The following PHF24 variants were observed in gnomAD, a reference collection of about 807,000 sequenced individuals.
PHF24 encodes the protein PHD finger protein 24, also known as Galpha inhibitory interacting protein.
In PHF24, 25 loss-of-function variants were observed where a neutral mutation model predicts 42.6. The ratio of observed to expected loss-of-function variants is 0.59; its 90% confidence interval spans 0.43 to 0.82. PHF24 has a LOEUF of 0.82. Ranked by LOEUF, PHF24 falls within the 40% of genes least tolerant of loss-of-function variation. PHF24 has a pLI of 0.00. For missense variants in PHF24, 470 were observed against 538.1 expected (o/e 0.87, Z 1.25); for synonymous variants, 185 against 204.8 (o/e 0.90, Z 0.83).
chr9:34,703,166 G>A, the PHF24 span, among the ~76,000 whole-genome samples: 7 of 152,002 alleles, frequency 4.6e-5, no homozygotes, highest in African/African-American at 1.7e-4. Flanking sequence ...CATTCTGGTA[G>A]CCCCATAATT....
At chr9:34,691,054 C>A in the PHF24 span, 5 of 1,562,982 alleles carry the variant, frequency 3.2e-6, no homozygotes, top group Non-Finnish European at 4.3e-6. Flanking sequence ...TGCCAGCCCC[C>A]CACTGCCTCT....
intron 1 of PHF24, among the ~76,000 whole-genome samples, chr9:34,966,430 T>G (rs894777181): frequency 2.6e-5 from 4 of 152,170 alleles, no homozygotes; most frequent in Non-Finnish European, 5.9e-5. Context: ...TTTAAAAATT[T>G]TTCAAAAATT....
At chr9:34,710,777 G>GTTTTCAT in the PHF24 span, among the ~76,000 whole-genome samples, 4 of 152,066 alleles carry the variant, frequency 2.6e-5, no homozygotes, top group South Asian at 8.3e-4. Context: ...TCCGGCTACT[G>GTTTTCAT]TTTTCATTTT....
the PHF24 span, among the ~76,000 whole-genome samples, chr9:34,805,858 C>G: frequency 6.6e-6 from 1 of 152,096 alleles, no homozygotes; most frequent in East Asian, 1.9e-4. Context: ...TTGTTCAAGT[C>G]TTAGATCCAA....
At chr9:34,943,207 G>A in the PHF24 span, among the ~76,000 whole-genome samples, 1 of 152,102 alleles carries the variant, frequency 6.6e-6, no homozygotes, top group Admixed American at 6.5e-5. Context: ...TTGTTTGTTT[G>A]TTTCTCTGAG....
chr9:34,936,881 C>T, the PHF24 span, among the ~76,000 whole-genome samples: 14 of 151,778 alleles, frequency 9.2e-5, no homozygotes. Flanking sequence ...GGCAGCCGCC[C>T]CGTCTGAGAA....
the PHF24 span, among the ~76,000 whole-genome samples, chr9:34,921,562 G>A: frequency 6.6e-6 from 1 of 152,136 alleles, no homozygotes; most frequent in East Asian, 1.9e-4. Context: ...AAAGCTAACA[G>A]CAGGTAACTT....
the PHF24 span, among the ~76,000 whole-genome samples, chr9:34,925,861 G>T: frequency 6.6e-6 from 1 of 152,148 alleles, no homozygotes; most frequent in Non-Finnish European, 1.5e-5. Context: ...GCTTTGTCAT[G>T]ATTGTGTGTT....
the PHF24 span, among the ~76,000 whole-genome samples, chr9:34,786,028 G>T: frequency 6.6e-6 from 1 of 152,160 alleles, no homozygotes; most frequent in Admixed American, 6.5e-5. Context: ...GGATTCCCAT[G>T]CCTATTTTCT....
the PHF24 span, chr9:34,835,135 C>T: frequency 6.5e-7 from 1 of 1,544,086 alleles, no homozygotes; most frequent in South Asian, 1.2e-5. Context: ...TTGGAGTTTG[C>T]TGACAGTGGT....
At chr9:34,738,506 A>T in the PHF24 span, among the ~76,000 whole-genome samples, 2 of 152,056 alleles carry the variant, frequency 1.3e-5, no homozygotes, top group Non-Finnish European at 2.9e-5. Context: ...ACCTGCCACC[A>T]TGCCCGGCTA....
the PHF24 span, among the ~76,000 whole-genome samples, chr9:34,908,837 C>CT: frequency 3.6e-5 from 5 of 139,850 alleles, no homozygotes; most frequent in African/African-American, 1.3e-4. Context: ...CTTTTCTTTT[C>CT]TTTTCTTTTT....
At chr9:34,952,920 T>C (rs941453289), upstream of PHF24, among the ~76,000 whole-genome samples, 9 of 152,232 alleles carry the variant, frequency 5.9e-5, no homozygotes, top group Admixed American at 3.3e-4. Flanking sequence ...GACATCCATA[T>C]ACAAAATCAG....
At chr9:34,911,568 A>G in the PHF24 span, among the ~76,000 whole-genome samples, 1 of 152,228 alleles carries the variant, frequency 6.6e-6, no homozygotes, top group South Asian at 2.1e-4. Flanking sequence ...GTTTTCTAAA[A>G]TGGCCATTAG....
At chr9:34,973,849 G>T (rs555196644) in intron 3 of PHF24, among the ~76,000 whole-genome samples, 2 of 152,186 alleles carry the variant, frequency 1.3e-5, no homozygotes, top group South Asian at 4.2e-4. Flanking sequence ...GGGTGAAGGG[G>T]TCACCTCCCT....
At chr9:34,706,679 G>A in the PHF24 span, among the ~76,000 whole-genome samples, 2 of 152,336 alleles carry the variant, frequency 1.3e-5, no homozygotes, top group African/African-American at 4.8e-5. Context: ...GCATGCAGGT[G>A]TGGCAGGAGA....
In PHF24 at chr9:34,960,675, C is replaced by T. The variant is rs529543602; in HGVS notation, c.-5+2274C>T. Among the ~76,000 whole-genome samples, 44 of 152,332 alleles carry T rather than the reference C, an allele frequency of 2.9e-4. No individual in the cohort carries two copies. The South Asian group carries it at 8.7e-3, about 30-fold the overall frequency. On this transcript the variant is annotated intron_variant, in intron 1 of 7. Transcript: ENST00000242315. ...GAGGGTGCTTATTATCACACCCACT[C>T]ATGACCCTGGAAAAATCACTAAATG...
chr9:34,885,387 A>G, the PHF24 span, among the ~76,000 whole-genome samples: 2 of 152,172 alleles, frequency 1.3e-5, no homozygotes, highest in Non-Finnish European at 2.9e-5. Context: ...CCTCCTTCTG[A>G]TGATGGGATG....
At chr9:34,736,002 C>A in the PHF24 span, among the ~76,000 whole-genome samples, 5 of 151,942 alleles carry the variant, frequency 3.3e-5, no homozygotes, top group East Asian at 7.8e-4. Context: ...AATGGAAATT[C>A]TGGAAATAGT....
Sources: allele counts gnomAD v4.1 joint callset (sites outside exome capture counted in the v4.1 genomes callset), GRCh38; gene constraint gnomAD v4.1.1; transcripts MANE v1.5; gene names NCBI Gene and HGNC (gene_info 2026-07-23, HGNC 2026-07-21).